Variants in ANKS6 observed in about 807,000 individuals in gnomAD.
ANKS6 encodes the protein ankyrin repeat and SAM domain-containing protein 6.
In ANKS6, 47 loss-of-function variants were observed where a neutral mutation model predicts 77.9. That is an observed-to-expected ratio of 0.60 (90% confidence interval 0.48 to 0.77). The LOEUF is 0.77. Ranked by LOEUF, ANKS6 falls within the 30% of genes least tolerant of loss-of-function variation. ANKS6 has a pLI of 0.00. For missense variants in ANKS6, 1,150 were observed against 1,159.1 expected (o/e 0.99, Z 0.11); for synonymous variants, 488 against 501.7 (o/e 0.97, Z 0.37).
At chr9:98,781,148 C>T (rs1384187825) in intron 5 of ANKS6, among the ~76,000 whole-genome samples, 2 of 152,296 alleles carry the variant, frequency 1.3e-5, no homozygotes, top group East Asian at 3.9e-4. Context: ...GATCGACCCA[C>T]CTCAGCCTCC....
intron 2 of ANKS6, 129 bp downstream of exon 2, chr9:98,789,975 T>C (rs1400995421): frequency 1.5e-6 from 2 of 1,313,584 alleles, no homozygotes; most frequent in Non-Finnish European, 2.0e-6. Flanking sequence ...CACCACTTCC[T>C]CAGTCTCAGT....
rs1322344546 is a variant in ANKS6 at position 98,796,296 on chromosome 9, C to T, written c.196G>A (p.Gly66Arg). Residue 66 changes from glycine to arginine, a missense_variant, in exon 1 of 15, where the codon GGG becomes AGG. By Grantham distance (125) the Gly-to-Arg change is moderately radical (BLOSUM62 -2). Coordinates refer to ENST00000353234, the MANE Select transcript of ANKS6 (RefSeq NM_173551.5). Reference sequence around the variant, plus strand: ...GAGCAATCCACGGGCACCGGAGCCCCGACTGCCCCCGCCGCTGCGGCCCCG... The same window carrying T: ...GAGCAATCCACGGGCACCGGAGCCCTGACTGCCCCCGCCGCTGCGGCCCCG... ...GPGAAAAGAV[G>R]APVPVDCSDE... The T allele has an allele frequency of 3.1e-6, 4 of 1,275,754 alleles. No individual in the cohort carries two copies. The highest frequency in any genetic ancestry group is 1.5e-5 in the African/African-American group (1 of 64,934). The allele number at this position is 1,275,754 out of a possible 1,614,324, so 79.0% of individuals were successfully genotyped here.
chr9:98,745,683 G>C lies in ANKS6; in HGVS notation c.2395-8C>G. 6.2e-7 allele frequency: 1 copy of C among 1,608,600 alleles called. No individual in the cohort carries two copies. Among genetic ancestry groups the C allele is most frequent in the Middle Eastern group, 1.7e-4 (1 of 6,054 alleles). On this transcript the variant is annotated splice_polypyrimidine_tract_variant and splice_region_variant and intron_variant, in intron 13 of 14. Coordinates refer to ENST00000353234, the MANE Select transcript of ANKS6 (RefSeq NM_173551.5). Reference sequence around the variant, plus strand: ...GAACGCTTCCATGTCCACCTGGGGAGAGAGAGGGGATTTGCCACCATCTGC... The same window carrying C: ...GAACGCTTCCATGTCCACCTGGGGACAGAGAGGGGATTTGCCACCATCTGC...
intron 12 of ANKS6, among the ~76,000 whole-genome samples, chr9:98,753,470 T>C (rs1295517683): frequency 4.6e-5 from 7 of 152,194 alleles, no homozygotes; most frequent in African/African-American, 1.7e-4. Context: ...TTGTTAACAT[T>C]TTCCCATCAC....
intron 2 of ANKS6, among the ~76,000 whole-genome samples, chr9:98,789,365 T>G (rs1441659148): frequency 6.7e-6 from 1 of 149,056 alleles, no homozygotes; most frequent in African/African-American, 2.5e-5. Context: ...TGGTATGTCC[T>G]ATGGCAGATT....
rs1469880890 is a variant in ANKS6, at chr9:98,790,258, C to T, written c.708G>A (p.Gly236=). 1.9e-6 allele frequency: 3 copies of T among 1,605,554 alleles called. No homozygotes were observed. The Admixed American group carries it at 5.0e-5, about 27-fold the overall frequency. Reference sequence around the variant, plus strand: ...CCAGCTGCTGGGCCACTCCAAGCCGCCCAGTGAGTGCGGCCAGCATCAGCG... The same window carrying T: ...CCAGCTGCTGGGCCACTCCAAGCCGTCCAGTGAGTGCGGCCAGCATCAGCG... The part of the protein sequence containing the change: ...WSPLMLAALT[G]RLGVAQQLVE... The change falls in exon 2 of 15, where the codon GGG becomes GGA. Residue 236 remains glycine, a synonymous_variant. Transcript: ENST00000353234.
intron 10 of ANKS6, 142 bp from the exon 11 acceptor site, chr9:98,768,392 A>G: frequency 1.0e-6 from 1 of 991,332 alleles, no homozygotes; most frequent in Non-Finnish European, 1.5e-6. Context: ...AGGACTGACC[A>G]CAGGAGAATT....
At chr9:98,766,644 T>C (rs915276470) in intron 11 of ANKS6, among the ~76,000 whole-genome samples, 1 of 152,198 alleles carries the variant, frequency 6.6e-6, no homozygotes, top group South Asian at 2.1e-4. Context: ...TAAGCAAATG[T>C]GTAGGGAGAA....
At chr9:98,765,513 T>C (rs991890653) in intron 11 of ANKS6, among the ~76,000 whole-genome samples, 1 of 152,164 alleles carries the variant, frequency 6.6e-6, no homozygotes, top group African/African-American at 2.4e-5. Flanking sequence ...TGTGGCTCAG[T>C]TGTCCTGGCC....
In ANKS6 at chr9:98,745,554, G is replaced by A. The variant is rs569968478; in HGVS notation, c.2511+5C>T. On this transcript the variant is annotated splice_donor_5th_base_variant and intron_variant, in intron 14 of 14. Coordinates refer to ENST00000353234, the MANE Select transcript of ANKS6 (RefSeq NM_173551.5). ...CACGGAAATACAAGAAACAGAGAAC[G>A]GTACCTTGCCTGCGTTCAGTTCAGA... The A allele has an allele frequency of 4.7e-5, 75 of 1,608,520 alleles. No individual in the cohort carries two copies. The South Asian group carries it at 6.2e-4, about 13-fold the overall frequency.
chr9:98,746,514 C>T (rs942516692), intron 13 of ANKS6, among the ~76,000 whole-genome samples: 1 of 152,028 alleles, frequency 6.6e-6, no homozygotes, highest in African/African-American at 2.4e-5. Flanking sequence ...AGTCATTTAA[C>T]CCTCATGACA....
intron 11 of ANKS6, among the ~76,000 whole-genome samples, chr9:98,766,819 G>T (rs549874926): frequency 6.6e-6 from 1 of 152,300 alleles, no homozygotes; most frequent in Non-Finnish European, 1.5e-5. Flanking sequence ...CTCTGGAGGC[G>T]CTTCTTTGGT....
At chr9:98,761,205 T>C (rs1260007826) in intron 11 of ANKS6, among the ~76,000 whole-genome samples, 2 of 152,234 alleles carry the variant, frequency 1.3e-5, no homozygotes, top group African/African-American at 2.4e-5. Flanking sequence ...TGTTCAAATA[T>C]TTTGCCCATT....
chr9:98,755,808 A>C (rs2117922891), intron 12 of ANKS6, among the ~76,000 whole-genome samples: 1 of 152,352 alleles, frequency 6.6e-6, no homozygotes. Flanking sequence ...GACCTAGGTC[A>C]TTATAAATAC....
chr9:98,783,055 C>T (rs1023216569), intron 4 of ANKS6, among the ~76,000 whole-genome samples: 4 of 145,904 alleles, frequency 2.7e-5, no homozygotes, highest in African/African-American at 1.0e-4. Context: ...TACTGCACTC[C>T]AGTCTGGCAA....
At chr9:98,746,627 G>C (rs1024444910) in intron 13 of ANKS6, among the ~76,000 whole-genome samples, 2 of 147,728 alleles carry the variant, frequency 1.4e-5, no homozygotes, top group African/African-American at 5.0e-5. Flanking sequence ...TGGCCAGTAA[G>C]TGGCAGGGCC....
Position 98,734,227 on chromosome 9 carries a change from G to A in ANKS6, c.*2292C>T. On this transcript the variant is annotated 3_prime_UTR_variant, in exon 15 of 15. Coordinates refer to ENST00000353234, the MANE Select transcript of ANKS6 (RefSeq NM_173551.5). The stretch of plus-strand genomic sequence containing the variant: ...CACTTGAGTCCAGTGAAAAAGAAAG[G>A]AAAGGCATTGTCTGGAGCCTCTGCT... The A allele has an allele frequency of 1.0e-6, 1 of 985,480 alleles. No individual in the cohort carries two copies. Among genetic ancestry groups the A allele is most frequent in the Non-Finnish European group, 1.2e-6 (1 of 830,026 alleles). The allele number at this position is 985,480 out of a possible 1,614,324, so 61.0% of individuals were successfully genotyped here.
In ANKS6 at chr9:98,733,598, G is replaced by T. The variant is rs919833553; in HGVS notation, c.*2921C>A. On this transcript the variant is annotated 3_prime_UTR_variant, in exon 15 of 15. Transcript: ENST00000353234. ...GGTTGCCGCTGTTCCAGAAAAAGCG[G>T]GGCTTCTCCAATGGTGTCCAAGGAA... 3 of 985,362 alleles carry T rather than the reference G, an allele frequency of 3.0e-6. No homozygotes were observed. In the African/African-American group the frequency reaches 5.2e-5, roughly 17 times the overall value. 61.0% of individuals were successfully genotyped at this position (985,362 alleles called of 1,614,324 possible).
intron 14 of ANKS6, among the ~76,000 whole-genome samples, chr9:98,741,833 A>T (rs1335158485): frequency 6.6e-6 from 1 of 152,238 alleles, no homozygotes; most frequent in Non-Finnish European, 1.5e-5. Flanking sequence ...TTATTACATT[A>T]TGAGCCAGGT....
Sources: allele counts gnomAD v4.1 joint callset (sites outside exome capture counted in the v4.1 genomes callset), GRCh38; gene constraint gnomAD v4.1.1; transcripts MANE v1.5; gene names NCBI Gene and HGNC (gene_info 2026-07-23, HGNC 2026-07-21).